ST6GALNAC3: variants seen among roughly 807,000 people sequenced by gnomAD.
The protein encoded by ST6GALNAC3 is alpha-N-acetylgalactosaminide alpha-2,6-sialyltransferase 3.
ST6GALNAC3 carries 25 observed loss-of-function variants against 32.7 expected under a neutral mutation model. That is an observed-to-expected ratio of 0.76 (90% confidence interval 0.56 to 1.07). The LOEUF is 1.07. Among genes scored for constraint, ST6GALNAC3 ranks in the 50% least tolerant of loss-of-function variants. The pLI is 0.00. For synonymous variants in ST6GALNAC3, 129 were observed against 133.1 expected (o/e 0.97, Z 0.21); for missense variants, 355 against 382.4 (o/e 0.93, Z 0.60).
At chr1:76,345,875 A>G (rs1648463448) in intron 2 of ST6GALNAC3, among the ~76,000 whole-genome samples, 1 of 152,050 alleles carries the variant, frequency 6.6e-6, no homozygotes, top group Admixed American at 6.6e-5. Flanking sequence ...GTCCTTCCTC[A>G]GGGCCTTTGC....
intron 3 of ST6GALNAC3, among the ~76,000 whole-genome samples, chr1:76,584,273 A>G (rs1272100614): frequency 6.6e-6 from 1 of 152,202 alleles, no homozygotes; most frequent in African/African-American, 2.4e-5. Context: ...CCCAGGTTGG[A>G]TTGTATTTGT....
At chr1:76,240,065 G>GAACTATTAC (rs1336695453) in intron 1 of ST6GALNAC3, among the ~76,000 whole-genome samples, 3 of 152,138 alleles carry the variant, frequency 2.0e-5, no homozygotes, top group African/African-American at 7.2e-5. Context: ...TCAAATCCAA[G>GAACTATTAC]AACTATTACT....
intron 3 of ST6GALNAC3, chr1:76,576,796 G>A (rs1467843423): frequency 2.4e-6 from 3 of 1,272,696 alleles, no homozygotes; most frequent in Non-Finnish European, 3.1e-6. Context: ...TGATTTGCAT[G>A]TCTAACTAAT....
At chr1:76,585,874 A>T (rs1448779415) in intron 3 of ST6GALNAC3, among the ~76,000 whole-genome samples, 1 of 152,192 alleles carries the variant, frequency 6.6e-6, no homozygotes, top group East Asian at 1.9e-4. Context: ...AGTCTGTGGC[A>T]TTGAGAAGTC....
chr1:76,514,923 C>G (rs1478883238), intron 3 of ST6GALNAC3, among the ~76,000 whole-genome samples: 1 of 152,040 alleles, frequency 6.6e-6, no homozygotes, highest in East Asian at 1.9e-4. Context: ...TTGCTAGTTT[C>G]ATGTTGAGAA....
At chr1:76,598,830 A>G (rs747767740) in intron 3 of ST6GALNAC3, among the ~76,000 whole-genome samples, 18 of 152,320 alleles carry the variant, frequency 1.2e-4, no homozygotes, top group African/African-American at 4.1e-4. Context: ...TTTCTTCAGT[A>G]GTACCAATGT....
At chr1:76,305,215 C>T (rs758139363) in intron 1 of ST6GALNAC3, among the ~76,000 whole-genome samples, 2 of 152,006 alleles carry the variant, frequency 1.3e-5, no homozygotes, top group African/African-American at 2.4e-5. Flanking sequence ...GAAGGGCAGC[C>T]TTAGGCAGCA....
At chr1:76,412,524 A>G (rs906181605) in intron 3 of ST6GALNAC3, 107 bp downstream of exon 3, 1 of 1,194,168 alleles carries the variant, frequency 8.4e-7, no homozygotes, top group African/African-American at 1.5e-5. Flanking sequence ...ATTTACGCTG[A>G]TTGTTATATG....
At chr1:76,173,350 A>T (rs1242512347) in intron 1 of ST6GALNAC3, among the ~76,000 whole-genome samples, 1 of 152,236 alleles carries the variant, frequency 6.6e-6, no homozygotes, top group Non-Finnish European at 1.5e-5. Context: ...TGGATTAAAT[A>T]CTTAAATGTA....
chr1:76,175,167 T>C (rs1254595623), intron 1 of ST6GALNAC3, among the ~76,000 whole-genome samples: 1 of 152,156 alleles, frequency 6.6e-6, no homozygotes, highest in East Asian at 1.9e-4. Flanking sequence ...AGTAGTGTTT[T>C]TGCTGGGTCA....
At chr1:76,369,190 C>G (rs531734233) in intron 2 of ST6GALNAC3, among the ~76,000 whole-genome samples, 1 of 152,162 alleles carries the variant, frequency 6.6e-6, no homozygotes, top group East Asian at 1.9e-4. Context: ...AAATGTTGGG[C>G]TCAGTTCTTG....
intron 2 of ST6GALNAC3, among the ~76,000 whole-genome samples, chr1:76,336,260 G>C (rs1300670622): frequency 2.0e-5 from 3 of 152,156 alleles, no homozygotes; most frequent in Non-Finnish European, 4.4e-5. Flanking sequence ...TCAATTATTT[G>C]TTGGAATAAT....
chr1:76,497,915 C>T (rs542942339), intron 3 of ST6GALNAC3, among the ~76,000 whole-genome samples: 7 of 152,254 alleles, frequency 4.6e-5, no homozygotes, highest in East Asian at 3.9e-4. Context: ...CTTGCCCTTA[C>T]GCTCTTCAAA....
At chr1:76,485,163 G>C (rs1660024844) in intron 3 of ST6GALNAC3, among the ~76,000 whole-genome samples, 3 of 152,280 alleles carry the variant, frequency 2.0e-5, no homozygotes, top group African/African-American at 7.2e-5. Flanking sequence ...TGTTCATCAG[G>C]GATATTGGTC....
chr1:76,471,875 T>A (rs1390499731), intron 3 of ST6GALNAC3, among the ~76,000 whole-genome samples: 1 of 152,074 alleles, frequency 6.6e-6, no homozygotes. Context: ...CCCTTTTTTT[T>A]TTTTAACAAC....
At chr1:76,244,720 G>A (rs750037997) in intron 1 of ST6GALNAC3, among the ~76,000 whole-genome samples, 6 of 152,068 alleles carry the variant, frequency 3.9e-5, no homozygotes, top group African/African-American at 1.2e-4. Flanking sequence ...TTTGTCATTG[G>A]TTCTGTTTAT....
intron 2 of ST6GALNAC3, among the ~76,000 whole-genome samples, chr1:76,376,465 T>G (rs2101097269): frequency 6.6e-6 from 1 of 152,272 alleles, no homozygotes; most frequent in South Asian, 2.1e-4. Flanking sequence ...AGCTCCCTCC[T>G]TCTCTCCCCT....
At chr1:76,588,375 T>A (rs1646996014) in intron 3 of ST6GALNAC3, among the ~76,000 whole-genome samples, 2 of 152,214 alleles carry the variant, frequency 1.3e-5, no homozygotes, top group East Asian at 3.8e-4. Context: ...AACTCCAGTG[T>A]CTTTGTGCTA....
chr1:76,193,073 G>A (rs1431470221), intron 1 of ST6GALNAC3, among the ~76,000 whole-genome samples: 3 of 152,098 alleles, frequency 2.0e-5, no homozygotes, highest in Admixed American at 2.0e-4. Context: ...ATAAAAACTA[G>A]AAACAAGCTT....
Sources: allele counts gnomAD v4.1 joint callset (sites outside exome capture counted in the v4.1 genomes callset), GRCh38; gene constraint gnomAD v4.1.1; transcripts MANE v1.5; gene names NCBI Gene and HGNC (gene_info 2026-07-23, HGNC 2026-07-21).